Variants in ZNF138 observed in about 807,000 individuals in gnomAD.
The protein encoded by ZNF138 is zinc finger protein 138 (clone pHZ-32).
Under a neutral mutation model 33.0 loss-of-function variants are expected in ZNF138, and 33 were observed. The observed-to-expected ratio is 1.00, with a 90% confidence interval of 0.76 to 1.34. The LOEUF is 1.34. Among genes scored for constraint, ZNF138 ranks in the 40% most tolerant of loss-of-function variants. The pLI, the probability that ZNF138 is intolerant of heterozygous loss-of-function variation, is 0.00. For missense variants in ZNF138, 360 were observed against 370.8 expected, an observed-to-expected ratio of 0.97 and a Z score of 0.24; for synonymous variants, 139 against 120.4, an observed-to-expected ratio of 1.15 and a Z score of -1.01.
At chr7:64,835,568 T>C (rs1232648262), downstream of ZNF138, 2 of 152,076 alleles carry the variant, frequency 1.3e-5, no homozygotes, top group Non-Finnish European at 2.9e-5. Context: ...GGATCTTTTT[T>C]TTTTAAAGTT....
intron 1 of ZNF138, among the ~76,000 whole-genome samples, chr7:64,794,946 C>T (rs1786569188): frequency 6.6e-6 from 1 of 152,066 alleles, no homozygotes; most frequent in Admixed American, 6.5e-5. Context: ...CTCTTTTCCC[C>T]TATTAAAATT....
intron 1 of ZNF138, among the ~76,000 whole-genome samples, chr7:64,800,846 TA>T (rs766434566): frequency 2.0e-5 from 3 of 152,316 alleles, no homozygotes; most frequent in Non-Finnish European, 4.4e-5. Context: ...TATTTATTAC[TA>T]ATTCAGTTCT....
intron 3 of ZNF138, among the ~76,000 whole-genome samples, chr7:64,824,550 G>T (rs1161248769): frequency 6.6e-6 from 1 of 152,028 alleles, no homozygotes; most frequent in Non-Finnish European, 1.5e-5. Context: ...TGAAAATGGG[G>T]TCTTGATTTC....
intron 1 of ZNF138, among the ~76,000 whole-genome samples, chr7:64,805,007 G>A (rs1343891448): frequency 3.3e-5 from 5 of 152,252 alleles, no homozygotes; most frequent in South Asian, 2.1e-4. Context: ...CATGGTGTCT[G>A]TGAATGAGGT....
Position 64,832,622 on chromosome 7 carries a change from A to T in ZNF138, c.*420A>T. 2.1e-6 allele frequency: 1 copy of T among 486,844 alleles called. No individual in the cohort carries two copies. The highest frequency in any genetic ancestry group is 4.0e-6 in the Non-Finnish European group (1 of 250,890). The allele number at this position is 486,844 out of a possible 1,614,324, so 30.2% of individuals were successfully genotyped here. On this transcript the variant is annotated 3_prime_UTR_variant, in exon 4 of 4. Coordinates refer to ENST00000307355, the MANE Select transcript of ZNF138 (RefSeq NM_001271639.2). Reference sequence around the variant, plus strand: ...GTGGCAAAGCTTTTAACCAGTCCTCACACCTTATGAGACATAAGAAAATTC... The same window carrying T: ...GTGGCAAAGCTTTTAACCAGTCCTCTCACCTTATGAGACATAAGAAAATTC...
At chr7:64,859,432 TCAAA>T in the ZNF138 span, among the ~76,000 whole-genome samples, 1 of 152,216 alleles carries the variant, frequency 6.6e-6, no homozygotes, top group Non-Finnish European at 1.5e-5. Context: ...AGGCAGTGAC[TCAAA>T]CAATTCTCAA....
At chr7:64,843,980 T>C in the ZNF138 span, among the ~76,000 whole-genome samples, 17 of 152,254 alleles carry the variant, frequency 1.1e-4, no homozygotes, top group East Asian at 5.8e-4. Context: ...TGCGCCACCA[T>C]GCCCAGCTAA....
chr7:64,829,027 ATTG>A (rs1789870686), intron 3 of ZNF138, among the ~76,000 whole-genome samples: 2 of 152,050 alleles, frequency 1.3e-5, no homozygotes, highest in African/African-American at 2.4e-5. Flanking sequence ...GGTGTTTTCT[ATTG>A]TTGTATACTC....
At chr7:64,847,397 G>T in the ZNF138 span, among the ~76,000 whole-genome samples, 1 of 141,090 alleles carries the variant, frequency 7.1e-6, no homozygotes, top group South Asian at 2.3e-4. Flanking sequence ...AAGCCCGTTT[G>T]TTCTAGGGTA....
At chr7:64,813,929 A>C in intron 1 of ZNF138, 1 of 721,934 alleles carries the variant, frequency 1.4e-6, no homozygotes, top group Non-Finnish European at 1.7e-6. Context: ...TTTTCTCTGC[A>C]TTATTAAGTA....
At chr7:64,801,032 T>C (rs1481397970) in intron 1 of ZNF138, among the ~76,000 whole-genome samples, 1 of 152,092 alleles carries the variant, frequency 6.6e-6, no homozygotes, top group Non-Finnish European at 1.5e-5. Flanking sequence ...GTAATGTCCC[T>C]TTTGTCATTT....
At chr7:64,799,282 G>T (rs543595320) in intron 1 of ZNF138, among the ~76,000 whole-genome samples, 1 of 151,388 alleles carries the variant, frequency 6.6e-6, no homozygotes, top group Admixed American at 6.6e-5. Flanking sequence ...TTCTCCTGCC[G>T]CAGCCTCCTG....
chr7:64,818,983 T>C (rs929469712), intron 3 of ZNF138, among the ~76,000 whole-genome samples: 1 of 152,232 alleles, frequency 6.6e-6, no homozygotes, highest in African/African-American at 2.4e-5. Context: ...ATTATTGTTT[T>C]GTAGTTCTGT....
At chr7:64,842,847 C>T in the ZNF138 span, among the ~76,000 whole-genome samples, 1 of 152,214 alleles carries the variant, frequency 6.6e-6, no homozygotes, top group Non-Finnish European at 1.5e-5. Flanking sequence ...GAGCATGTGA[C>T]ATTGTCAGCA....
chr7:64,852,632 T>G, the ZNF138 span: 1 of 1,453,438 alleles, frequency 6.9e-7, no homozygotes, highest in Non-Finnish European at 9.7e-7. Context: ...CCTCGCCATG[T>G]TCATCATCAC....
the ZNF138 span, among the ~76,000 whole-genome samples, chr7:64,842,752 A>T: frequency 2.6e-5 from 4 of 152,212 alleles, no homozygotes; most frequent in African/African-American, 9.7e-5. Flanking sequence ...TTTATTTTGT[A>T]AAACATAATA....
chr7:64,810,276 C>T (rs1282444236), intron 1 of ZNF138, among the ~76,000 whole-genome samples: 5 of 150,754 alleles, frequency 3.3e-5, no homozygotes, highest in Admixed American at 2.7e-4. Context: ...GCCGACACAG[C>T]GAAACCCCGT....
chr7:64,839,798 G>A, the ZNF138 span, among the ~76,000 whole-genome samples: 51 of 152,198 alleles, frequency 3.4e-4, no homozygotes, highest in African/African-American at 1.0e-3. Context: ...GTCCCCTCCC[G>A]TGTTTCGGCA....
chr7:64,815,360 A>G (rs1788530383), intron 2 of ZNF138, among the ~76,000 whole-genome samples: 1 of 152,134 alleles, frequency 6.6e-6, no homozygotes, highest in African/African-American at 2.4e-5. Flanking sequence ...TTTTGAATCA[A>G]TAGTACTGGG....
Sources: allele counts gnomAD v4.1 joint callset (sites outside exome capture counted in the v4.1 genomes callset), GRCh38; gene constraint gnomAD v4.1.1; transcripts MANE v1.5; gene names NCBI Gene and HGNC (gene_info 2026-07-23, HGNC 2026-07-21).